The following ADCY8 variants were observed in gnomAD, a reference collection of about 807,000 sequenced individuals.
ADCY8 encodes adenylate cyclase type 8.
In ADCY8, 51 loss-of-function variants were observed where a neutral mutation model predicts 119.7. The observed-to-expected ratio is 0.43, with a 90% CI of 0.34 to 0.54. The LOEUF is 0.54. Ranked by LOEUF, ADCY8 falls within the 20% of genes least tolerant of loss-of-function variation. The probability of loss-of-function intolerance (pLI) is 0.03; values close to 1 mark genes in which losing one functional copy is unlikely to be tolerated. For missense variants in ADCY8, 1,383 were observed against 1,598.8 expected (o/e 0.87, Z 2.30); for synonymous variants, 665 against 651.0 (o/e 1.02, Z -0.33).
At chr8:131,015,554 A>C (rs1823445625) in intron 1 of ADCY8, among the ~76,000 whole-genome samples, 1 of 152,100 alleles carries the variant, frequency 6.6e-6, no homozygotes, top group African/African-American at 2.4e-5. Flanking sequence ...GACTTTAAAA[A>C]CTCAGTCCAG....
chr8:130,888,120 A>G (rs921054783), intron 7 of ADCY8, among the ~76,000 whole-genome samples: 2 of 152,024 alleles, frequency 1.3e-5, no homozygotes, highest in East Asian at 1.9e-4. Context: ...TTTCACATAA[A>G]CACTCTAAAC....
intron 2 of ADCY8, among the ~76,000 whole-genome samples, chr8:130,956,410 C>CA (rs1397411967): frequency 6.6e-6 from 1 of 152,200 alleles, no homozygotes; most frequent in Non-Finnish European, 1.5e-5. Flanking sequence ...TCTCCATTGT[C>CA]ATTTCCTGTG....
chr8:130,849,064 C>A (rs1277168799), intron 10 of ADCY8, among the ~76,000 whole-genome samples: 2 of 152,082 alleles, frequency 1.3e-5, no homozygotes, highest in African/African-American at 4.8e-5. Flanking sequence ...ATTTCCATTT[C>A]CCCCACCCCA....
rs911252971 is a variant in ADCY8 at position 130,931,209 on chromosome 8, G to A, written c.1481+5864C>T. On this transcript the variant is annotated intron_variant, in intron 5 of 17. Transcript: ENST00000286355. ...CTAAAGGACAGTTTTGCTAGGTATA[G>A]TATTTTTGTCTGGCAGGTTTCTCAT... Among the ~76,000 whole-genome samples, 8 of 152,104 alleles carry A rather than the reference G, an allele frequency of 5.3e-5. No homozygotes were observed. In the East Asian group the frequency reaches 1.5e-3, roughly 29 times the overall value.
Position 130,849,766 on chromosome 8 carries a change from T to C in ADCY8, c.2248A>G (p.Met750Val). The C allele has an allele frequency of 6.2e-7, 1 of 1,613,638 alleles. No individual in the cohort carries two copies. The highest frequency in any genetic ancestry group is 8.5e-7 in the Non-Finnish European group (1 of 1,179,764). ...ATGAGGACCAGAGCCGAGTGCAGCA[T>C]AATCAGAATGGAGAACTGGATGGTC... The part of the protein sequence containing the change: ...PMTIQFSILI[M>V]LHSALVLITT... Residue 750 changes from methionine to valine, a missense_variant, in exon 10 of 18, where the codon ATG becomes GTG. Met to Val is a conservative substitution (Grantham distance 21). Around this residue, in one of 2 missense-constraint regions of ADCY8, gnomAD observed 928 missense variants for 1,163.5 expected, o/e 0.80. Coordinates refer to ENST00000286355, the MANE Select transcript of ADCY8 (RefSeq NM_001115.3).
intron 1 of ADCY8, among the ~76,000 whole-genome samples, chr8:131,029,578 A>G (rs1479644348): frequency 1.3e-5 from 2 of 152,192 alleles, no homozygotes; most frequent in African/African-American, 4.8e-5. Flanking sequence ...GATCCATTTA[A>G]AGTGTTTGAT....
chr8:130,920,939 C>T, intron 5 of ADCY8, among the ~76,000 whole-genome samples: 1 of 152,218 alleles, frequency 6.6e-6, no homozygotes. Flanking sequence ...TGCTGGTCCA[C>T]CCTGCAGATT....
intron 7 of ADCY8, among the ~76,000 whole-genome samples, chr8:130,901,893 A>G (rs146535630): frequency 1.4e-4 from 22 of 152,290 alleles, no homozygotes; most frequent in African/African-American, 4.8e-4. Context: ...GCTAATAATG[A>G]CATCTCTTAT....
intron 11 of ADCY8, among the ~76,000 whole-genome samples, chr8:130,841,041 A>G (rs1386646082): frequency 4.6e-5 from 7 of 152,198 alleles, no homozygotes; most frequent in Non-Finnish European, 1.0e-4. Flanking sequence ...AAACCCCTAC[A>G]GACGTGGAGG....
At chr8:130,922,760 A>G (rs1820354800) in intron 5 of ADCY8, among the ~76,000 whole-genome samples, 1 of 152,202 alleles carries the variant, frequency 6.6e-6, no homozygotes, top group African/African-American at 2.4e-5. Flanking sequence ...GGGCAGATAA[A>G]TTCCCTTTCT....
At chr8:130,804,078 C>G (rs1450390970) in intron 14 of ADCY8, among the ~76,000 whole-genome samples, 1 of 152,190 alleles carries the variant, frequency 6.6e-6, no homozygotes, top group Non-Finnish European at 1.5e-5. Context: ...CAGCAGGAGT[C>G]AGAGATCCTG....
chr8:130,858,346 A>G (rs1390696836), intron 9 of ADCY8, among the ~76,000 whole-genome samples: 1 of 152,028 alleles, frequency 6.6e-6, no homozygotes, highest in Non-Finnish European at 1.5e-5. Flanking sequence ...TTGCTGTGAC[A>G]TTTTCTCAGA....
intron 9 of ADCY8, among the ~76,000 whole-genome samples, chr8:130,852,742 T>C (rs1817576380): frequency 6.6e-6 from 1 of 151,904 alleles, no homozygotes; most frequent in Non-Finnish European, 1.5e-5. Flanking sequence ...TTTTTTTTCC[T>C]CCCTCACCCT....
At chr8:130,793,357 A>T (rs11776881) in intron 15 of ADCY8, among the ~76,000 whole-genome samples, 1 of 151,970 alleles carries the variant, frequency 6.6e-6, no homozygotes, top group Admixed American at 6.5e-5. Flanking sequence ...ACACCAGGAA[A>T]GTCCTGGGTA....
rs1328856005 is a variant in ADCY8, at chr8:130,909,859, G to A, written c.1489C>T (p.Arg497Trp). 6 of 1,613,820 alleles carry A rather than the reference G, an allele frequency of 3.7e-6. No individual in the cohort carries two copies. Among genetic ancestry groups the A allele is most frequent in the South Asian group, 1.1e-5 (1 of 91,046 alleles). Residue 497 changes from arginine (R) to tryptophan (W), a missense_variant, in exon 6 of 18, where the codon CGG becomes TGG. Arg to Trp is a moderately radical substitution (Grantham distance 101). Around this residue, in one of 2 missense-constraint regions of ADCY8, gnomAD observed 928 missense variants for 1,163.5 expected, o/e 0.80. Transcript: ENST00000286355. ...TCAACATCGTGTTTTGTCCTTGACC[G>A]CACATACCTGTTGACATAGGTAAAT... ...LSMIKTIRYV[R>W]SRTKHDVDMR...
intron 4 of ADCY8, among the ~76,000 whole-genome samples, chr8:130,938,207 C>T (rs1039657516): frequency 1.3e-5 from 2 of 152,064 alleles, no homozygotes; most frequent in Non-Finnish European, 2.9e-5. Flanking sequence ...CTTCAGGTGC[C>T]TCATCTATCA....
chr8:130,940,876 C>A (rs899997162), intron 4 of ADCY8, among the ~76,000 whole-genome samples: 5 of 152,026 alleles, frequency 3.3e-5, no homozygotes, highest in Non-Finnish European at 7.4e-5. Flanking sequence ...AGACAATAGA[C>A]AAAAATTAGG....
intron 6 of ADCY8, among the ~76,000 whole-genome samples, chr8:130,907,649 A>G (rs1021091502): frequency 6.6e-6 from 1 of 152,242 alleles, no homozygotes; most frequent in Non-Finnish European, 1.5e-5. Context: ...GTTCAGACTC[A>G]TGACTCATGA....
At chr8:130,949,524 G>A (rs1257255208) in intron 3 of ADCY8, 1 of 152,100 alleles carries the variant, frequency 6.6e-6, no homozygotes, top group Admixed American at 6.6e-5. Flanking sequence ...TTGCCACCAG[G>A]GAAGGAATAT....
Sources: gnomAD v4.1 joint callset for allele counts (sites outside exome capture counted in the v4.1 genomes callset) on GRCh38, gnomAD v4.1.1 for gene constraint, gnomAD v4.1.1 regional missense constraint, MANE v1.5 for transcripts, NCBI Gene and HGNC (gene_info 2026-07-23, HGNC 2026-07-21) for gene names.